EPHA3: variants seen among roughly 807,000 people sequenced by gnomAD.
EPHA3 encodes EPH receptor A3.
In EPHA3, 42 loss-of-function variants were observed where a neutral mutation model predicts 107.1. The ratio of observed to expected loss-of-function variants is 0.39; its 90% confidence interval spans 0.31 to 0.51. The LOEUF (loss-of-function observed/expected upper bound fraction) is 0.51. EPHA3 is among the 20% of genes least tolerant of loss of function. EPHA3 has a pLI of 0.78. For synonymous variants in EPHA3, 461 were observed against 424.8 expected (o/e 1.09, Z -1.05); for missense variants, 1,183 against 1,211.2 (o/e 0.98, Z 0.35).
rs190966301 is a variant in EPHA3, at chr3:89,432,561, G to A, written c.2346+1202G>A. ...CTGGGATTACAGGCATGGACCACCA[G>A]CCCCAGCTAATTTTTAAGTTTTTCT... On this transcript the variant is annotated intron_variant, in intron 13 of 16. Transcript: ENST00000336596. 2.4e-4 allele frequency among the ~76,000 whole-genome samples: 37 copies of A among 151,916 alleles called. No homozygotes were observed. The East Asian group carries it at 2.7e-3, about 11-fold the overall frequency.
chr3:89,421,205 A>G (rs1709345897), intron 11 of EPHA3, among the ~76,000 whole-genome samples: 1 of 151,404 alleles, frequency 6.6e-6, no homozygotes, highest in Non-Finnish European at 1.5e-5. Context: ...CTTAATATCT[A>G]AAACAAAATA....
intron 5 of EPHA3, among the ~76,000 whole-genome samples, chr3:89,342,988 G>A (rs556049140): frequency 3.0e-4 from 46 of 152,100 alleles, no homozygotes; most frequent in African/African-American, 1.1e-3. Context: ...TCCCAGGTGG[G>A]GTCACCTCTG....
At chr3:89,447,633 A>G (rs912636951) in intron 13 of EPHA3, among the ~76,000 whole-genome samples, 20 of 152,212 alleles carry the variant, frequency 1.3e-4, no homozygotes, top group African/African-American at 4.8e-4. Flanking sequence ...TCTAGAACAT[A>G]CAGTTTTCTC....
At chr3:89,279,883 GA>G (rs1705897646) in intron 3 of EPHA3, among the ~76,000 whole-genome samples, 1 of 152,154 alleles carries the variant, frequency 6.6e-6, no homozygotes, top group Non-Finnish European at 1.5e-5. Flanking sequence ...AACACAAAAA[GA>G]AGGTAATTAC....
chr3:89,137,200 C>A (rs1390263131), intron 2 of EPHA3, among the ~76,000 whole-genome samples: 1 of 151,886 alleles, frequency 6.6e-6, no homozygotes, highest in African/African-American at 2.4e-5. Flanking sequence ...TATATTCAGA[C>A]TAAACATTAT....
At chr3:89,385,565 G>A (rs542431255) in intron 5 of EPHA3, among the ~76,000 whole-genome samples, 11 of 152,304 alleles carry the variant, frequency 7.2e-5, no homozygotes, top group Admixed American at 1.3e-4. Context: ...GAAGAACTGT[G>A]AGTTGATTAA....
At chr3:89,166,200 A>G (rs910786463) in intron 2 of EPHA3, among the ~76,000 whole-genome samples, 5 of 152,162 alleles carry the variant, frequency 3.3e-5, no homozygotes, top group Non-Finnish European at 5.9e-5. Context: ...AACCACCTTC[A>G]TCTTCTCATT....
At chr3:89,302,267 C>A (rs1330076931) in intron 3 of EPHA3, among the ~76,000 whole-genome samples, 1 of 152,028 alleles carries the variant, frequency 6.6e-6, no homozygotes, top group Non-Finnish European at 1.5e-5. Context: ...TTAGTAGTAA[C>A]TAAGATCTAT....
intron 3 of EPHA3, among the ~76,000 whole-genome samples, chr3:89,283,082 T>C (rs1705987672): frequency 6.6e-6 from 1 of 152,120 alleles, no homozygotes; most frequent in African/African-American, 2.4e-5. Context: ...ATAACTACTC[T>C]TGGAAGTGCA....
intron 9 of EPHA3, among the ~76,000 whole-genome samples, chr3:89,411,053 T>G (rs1709147530): frequency 6.6e-6 from 1 of 151,852 alleles, no homozygotes; most frequent in Admixed American, 6.6e-5. Context: ...TATTAATAAT[T>G]GTAAATAAAT....
At chr3:89,319,367 A>G (rs1244563797) in intron 3 of EPHA3, among the ~76,000 whole-genome samples, 1 of 151,964 alleles carries the variant, frequency 6.6e-6, no homozygotes, top group Non-Finnish European at 1.5e-5. Flanking sequence ...AATGAATAAT[A>G]ATTACCAATT....
intron 2 of EPHA3, among the ~76,000 whole-genome samples, chr3:89,141,643 C>T (rs977758110): frequency 6.6e-5 from 10 of 151,468 alleles, no homozygotes; most frequent in African/African-American, 9.7e-5. Flanking sequence ...CTAAGGCTTT[C>T]GCCTGCAAAT....
chr3:89,114,890 G>C (rs972964836), intron 1 of EPHA3, among the ~76,000 whole-genome samples: 5 of 152,202 alleles, frequency 3.3e-5, no homozygotes, highest in African/African-American at 1.2e-4. Context: ...GCCTTGGACG[G>C]GCCTGGCAGG....
intron 5 of EPHA3, among the ~76,000 whole-genome samples, chr3:89,393,947 A>G (rs1353159951): frequency 6.7e-6 from 1 of 148,394 alleles, no homozygotes; most frequent in Non-Finnish European, 1.5e-5. Flanking sequence ...GGTGAAGCCA[A>G]TTTAGGGACT....
At chr3:89,304,711 C>G (rs1258656726) in intron 3 of EPHA3, among the ~76,000 whole-genome samples, 1 of 152,062 alleles carries the variant, frequency 6.6e-6, no homozygotes, top group East Asian at 1.9e-4. Flanking sequence ...TTATATCATA[C>G]AAACAATGTA....
intron 1 of EPHA3, among the ~76,000 whole-genome samples, chr3:89,117,385 A>G (rs1316245935): frequency 2.6e-5 from 4 of 152,106 alleles, no homozygotes; most frequent in South Asian, 2.1e-4. Flanking sequence ...AGCAGTTAAC[A>G]TGTATTTATT....
intron 2 of EPHA3, among the ~76,000 whole-genome samples, chr3:89,144,081 TTTAAC>T (rs1704486599): frequency 6.6e-6 from 1 of 151,656 alleles, no homozygotes; most frequent in African/African-American, 2.4e-5. Flanking sequence ...GATACATTAT[TTTAAC>T]TTAAGTACGT....
At chr3:89,258,944 GA>G (rs1418637669) in intron 3 of EPHA3, among the ~76,000 whole-genome samples, 1 of 152,050 alleles carries the variant, frequency 6.6e-6, no homozygotes, top group Non-Finnish European at 1.5e-5. Context: ...AAACAACAAT[GA>G]AAAGTCAATG....
At chr3:89,259,668 T>C (rs1251336911) in intron 3 of EPHA3, among the ~76,000 whole-genome samples, 1 of 152,210 alleles carries the variant, frequency 6.6e-6, no homozygotes, top group African/African-American at 2.4e-5. Context: ...TCTCACTTAG[T>C]TACATTTTTT....
Sources: gnomAD v4.1 joint callset for allele counts (sites outside exome capture counted in the v4.1 genomes callset) on GRCh38, gnomAD v4.1.1 for gene constraint, MANE v1.5 for transcripts, NCBI Gene and HGNC (gene_info 2026-07-23, HGNC 2026-07-21) for gene names.